Variants in SLC30A9 observed in about 807,000 individuals in gnomAD.
The protein encoded by SLC30A9 is solute carrier family 30 member 9.
SLC30A9 carries 58 observed loss-of-function variants against 87.5 expected under a neutral mutation model. The ratio of observed to expected loss-of-function variants is 0.66; its 90% confidence interval spans 0.54 to 0.82. The LOEUF (loss-of-function observed/expected upper bound fraction) is 0.82, where lower values mean the gene tolerates loss of function less well. Ranked by LOEUF, SLC30A9 falls within the 40% of genes least tolerant of loss-of-function variation. SLC30A9 has a pLI of 0.00. For synonymous variants in SLC30A9, 234 were observed against 233.0 expected (o/e 1.00, Z -0.04); for missense variants, 557 against 679.1 (o/e 0.82, Z 2.00).
chr4:42,033,757 A>G (rs1402697990), intron 6 of SLC30A9, among the ~76,000 whole-genome samples: 1 of 152,224 alleles, frequency 6.6e-6, no homozygotes, highest in Non-Finnish European at 1.5e-5. Flanking sequence ...TTGTATTTTT[A>G]GTAGAGACGG....
intron 10 of SLC30A9, among the ~76,000 whole-genome samples, chr4:42,060,536 T>C (rs1484392030): frequency 1.3e-5 from 2 of 152,164 alleles, no homozygotes; most frequent in African/African-American, 4.8e-5. Flanking sequence ...AGAGGTCTGT[T>C]TTATTTGGTC....
intron 2 of SLC30A9, among the ~76,000 whole-genome samples, chr4:42,003,013 A>T (rs373384301): frequency 6.6e-6 from 1 of 152,148 alleles, no homozygotes; most frequent in Non-Finnish European, 1.5e-5. Context: ...TTAAGCCATG[A>T]TAACACATCC....
At chr4:42,053,160 A>G (rs1717453078) in intron 9 of SLC30A9, among the ~76,000 whole-genome samples, 1 of 152,210 alleles carries the variant, frequency 6.6e-6, no homozygotes, top group African/African-American at 2.4e-5. Context: ...TAATACCACA[A>G]GACATCTCTG....
chr4:42,031,760 A>G (rs931142933), intron 6 of SLC30A9, among the ~76,000 whole-genome samples: 3 of 152,188 alleles, frequency 2.0e-5, no homozygotes, highest in Non-Finnish European at 2.9e-5. Flanking sequence ...TTGCACTCAC[A>G]TATTTTTATT....
intron 15 of SLC30A9, among the ~76,000 whole-genome samples, chr4:42,073,889 G>C (rs1718416741): frequency 6.6e-6 from 1 of 152,176 alleles, no homozygotes; most frequent in Non-Finnish European, 1.5e-5. Flanking sequence ...GCGTATAGGT[G>C]GCAGGGATTG....
chr4:42,037,677 T>C (rs1181057365), intron 7 of SLC30A9, among the ~76,000 whole-genome samples: 1 of 152,180 alleles, frequency 6.6e-6, no homozygotes, highest in African/African-American at 2.4e-5. Flanking sequence ...TATATAAAAA[T>C]AGAAAAATAG....
At chr4:42,062,361 G>A (rs1717891352) in intron 10 of SLC30A9, among the ~76,000 whole-genome samples, 1 of 151,906 alleles carries the variant, frequency 6.6e-6, no homozygotes, top group Non-Finnish European at 1.5e-5. Flanking sequence ...ACTAAGTATT[G>A]TGTCAGTACT....
At chr4:42,068,400 C>T (rs1172988632) in intron 14 of SLC30A9, among the ~76,000 whole-genome samples, 5 of 152,102 alleles carry the variant, frequency 3.3e-5, no homozygotes, top group Non-Finnish European at 5.9e-5. Flanking sequence ...TGCGCCACCA[C>T]GCCCGGCTAG....
At chr4:42,023,189 C>A in intron 5 of SLC30A9, 113 bp from the exon 6 acceptor site, 1 of 792,254 alleles carries the variant, frequency 1.3e-6, no homozygotes, top group African/African-American at 1.7e-5. Context: ...TATGTTTCTC[C>A]AAAAGCACCT....
At chr4:42,057,162 A>G (rs757654062) in intron 9 of SLC30A9, among the ~76,000 whole-genome samples, 25 of 152,158 alleles carry the variant, frequency 1.6e-4, no homozygotes, top group Admixed American at 1.2e-3. Context: ...CAGTGGATCT[A>G]TCATTCTGGG....
At chr4:42,081,307 T>C (rs994530558) in intron 17 of SLC30A9, among the ~76,000 whole-genome samples, 3 of 151,156 alleles carry the variant, frequency 2.0e-5, no homozygotes, top group Non-Finnish European at 3.0e-5. Context: ...TGAAACTGGC[T>C]TTTTTTTTAA....
At chr4:42,065,575 G>C (rs1718049605) in intron 12 of SLC30A9, among the ~76,000 whole-genome samples, 1 of 152,146 alleles carries the variant, frequency 6.6e-6, no homozygotes, top group Non-Finnish European at 1.5e-5. Context: ...CCATGGGATG[G>C]CATCCTGGCA....
chr4:41,993,704 ATTTAC>A (rs960345963), intron 1 of SLC30A9, among the ~76,000 whole-genome samples: 4 of 152,184 alleles, frequency 2.6e-5, no homozygotes, highest in African/African-American at 9.6e-5. Context: ...ACTCAAAAGG[ATTTAC>A]TTTAAAGAAA....
intron 3 of SLC30A9, among the ~76,000 whole-genome samples, chr4:42,018,985 CAA>C (rs33970836): frequency 3.3e-5 from 5 of 149,668 alleles, no homozygotes; most frequent in South Asian, 4.2e-4. Flanking sequence ...GAAACTCACG[CAA>C]AAAAAAAATC....
intron 7 of SLC30A9, among the ~76,000 whole-genome samples, chr4:42,036,755 T>C (rs1021145397): frequency 4.6e-5 from 7 of 152,230 alleles, no homozygotes; most frequent in African/African-American, 1.4e-4. Context: ...TCCCCTTTGA[T>C]CACTGCATTT....
chr4:42,038,357 C>G (rs1243734704), intron 7 of SLC30A9, among the ~76,000 whole-genome samples: 1 of 152,076 alleles, frequency 6.6e-6, no homozygotes, highest in Non-Finnish European at 1.5e-5. Flanking sequence ...CCATGAGTTC[C>G]CAAACCTTTC....
chr4:42,036,453 C>A (rs1280283420), intron 7 of SLC30A9, among the ~76,000 whole-genome samples: 1 of 152,176 alleles, frequency 6.6e-6, no homozygotes, highest in Non-Finnish European at 1.5e-5. Flanking sequence ...TCAACCCCAC[C>A]ACCCCACTGA....
At chr4:42,039,509 C>G (rs1294528940) in intron 8 of SLC30A9, among the ~76,000 whole-genome samples, 3 of 150,084 alleles carry the variant, frequency 2.0e-5, no homozygotes, top group Non-Finnish European at 4.4e-5. Context: ...TGTCGCCAGG[C>G]TGGAGTGCAG....
At chr4:41,990,810 C>A (rs565197050) in intron 1 of SLC30A9, 50 bp downstream of exon 1, 3 of 1,372,750 alleles carry the variant, frequency 2.2e-6, no homozygotes, top group South Asian at 2.4e-5. Context: ...AACTGGAGGG[C>A]CAGGCTGGGC....
Sources: gnomAD v4.1 joint callset for allele counts (sites outside exome capture counted in the v4.1 genomes callset) on GRCh38, gnomAD v4.1.1 for gene constraint, MANE v1.5 for transcripts, NCBI Gene and HGNC (gene_info 2026-07-23, HGNC 2026-07-21) for gene names.